The following CYP2A7 variants were observed in gnomAD, a reference collection of about 807,000 sequenced individuals.
CYP2A7 encodes the protein cytochrome P450 family 2 subfamily A member 7.
In CYP2A7, 36 loss-of-function variants were observed where a neutral mutation model predicts 42.0. The ratio of observed to expected loss-of-function variants is 0.86; its 90% CI spans 0.66 to 1.13. The LOEUF (loss-of-function observed/expected upper bound fraction) is 1.13. Among genes scored for constraint, CYP2A7 ranks in the 50% most tolerant of loss-of-function variants. The pLI is 0.00. For missense variants in CYP2A7, 661 were observed against 634.1 expected (o/e 1.04, Z -0.46); for synonymous variants, 260 against 249.5 (o/e 1.04, Z -0.40).
rs183421221 is a variant in CYP2A7 at position 40,879,051 on chromosome 19, A to C, written c.655-115T>G. ...GAACTGAGTTAAAGGCATCTGTCTC[A>C]TTGTTTAGGTATTTCAGTGGGGTCG... is the stretch of plus-strand genomic sequence containing the variant. On this transcript the variant is annotated intron_variant, in intron 4 of 8. Transcript: ENST00000301146. 103 of 1,449,938 alleles carry C rather than the reference A, an allele frequency of 7.1e-5. 1 individual carries two copies. The African/African-American group carries it at 1.3e-3, about 18-fold the overall frequency. 89.8% of individuals were successfully genotyped at this position (1,449,938 alleles called of 1,614,324 possible).
In CYP2A7 at chr19:40,878,741, A is replaced by C. The variant is rs1967592243; in HGVS notation, c.831+19T>G. On this transcript the variant is annotated intron_variant, in intron 5 of 8. Transcript: ENST00000301146. Reference sequence around the variant, plus strand: ...TCTGCCTGGCTTTGCACCTCCCCGCACTGGCTGCTGGGGTGTACCTCCTGC... The same window carrying C: ...TCTGCCTGGCTTTGCACCTCCCCGCCCTGGCTGCTGGGGTGTACCTCCTGC... 2.5e-6 allele frequency: 4 copies of C among 1,610,406 alleles called. No homozygotes were observed. The highest frequency in any genetic ancestry group is 1.3e-5 in the African/African-American group (1 of 74,864).
In CYP2A7 at chr19:40,882,126, T is replaced by A. The variant is rs201805821; in HGVS notation, c.85A>T (p.Ser29Cys). 1 of 1,613,992 alleles carries A rather than the reference T, an allele frequency of 6.2e-7. No individual in the cohort carries two copies. Residue 29 changes from serine (S) to cysteine (C), a missense_variant, in exon 1 of 9, where the codon AGC (serine) becomes TGC (cysteine). Ser to Cys is a moderately radical substitution (Grantham distance 112). This residue lies in a region of CYP2A7 where 614 missense variants were observed against 552.4 expected (regional missense o/e 1.11). Transcript: ENST00000301146. ...VLMSVWQQRKSRGKLPPGPTP... is the reference protein window; with the variant it reads ...VLMSVWQQRKCRGKLPPGPTP... ...GGTCCCGGAGGCAGCTTCCCCCTGCTCTTCCTCTGCTGCCAGACAGACATC... is the reference window on the plus strand; with the variant it reads ...GGTCCCGGAGGCAGCTTCCCCCTGCACTTCCTCTGCTGCCAGACAGACATC...
At chr19:40,881,824 A>C in intron 1 of CYP2A7, 73 bp from the exon 2 acceptor site, 1 of 1,582,878 alleles carries the variant, frequency 6.3e-7, no homozygotes, top group South Asian at 1.1e-5. Context: ...CGAGATGTCA[A>C]GTACTGGGAT....
At position 40,881,691 on chromosome 19, in the gene CYP2A7, G is replaced by A. The variant is rs756807315; in HGVS notation, c.241C>T (p.Leu81=). 1.9e-6 allele frequency: 3 copies of A among 1,612,980 alleles called. No individual in the cohort carries two copies. Among genetic ancestry groups the A allele is most frequent in the Admixed American group, 3.3e-5 (2 of 59,960 alleles). The change falls in exon 2 of 9, where the codon CTG becomes TTG. Residue 81 remains leucine (L), a synonymous_variant. Coordinates refer to ENST00000301146, the MANE Select transcript of CYP2A7 (RefSeq NM_000764.3). Reference sequence around the variant, plus strand: ...TCCCTGACGGCATCATGTCCACACAGCACCACGACCCGCCGGGGCCCCAAG... The same window carrying A: ...TCCCTGACGGCATCATGTCCACACAACACCACGACCCGCCGGGGCCCCAAG... ...IHLGPRRVVV[L]CGHDAVREAL... is the part of the protein sequence containing the mutation.
At chr19:40,877,487 G>A (rs1474474502) in intron 6 of CYP2A7, 110 bp from the exon 7 acceptor site, 43 of 1,482,016 alleles carry the variant, frequency 2.9e-5, no homozygotes, top group East Asian at 9.2e-5. Flanking sequence ...ATGAGACGGA[G>A]GTAGAGCATT....
In CYP2A7 at chr19:40,882,080, C is replaced by T. The variant is rs1055883561; in HGVS notation, c.131G>A (p.Gly44Glu). 11 of 1,613,858 alleles carry T rather than the reference C, an allele frequency of 6.8e-6. No homozygotes were observed. Among genetic ancestry groups the T allele is most frequent in the Non-Finnish European group, 9.3e-6 (11 of 1,179,908 alleles). Residue 44 changes from glycine (G) to glutamate (E), a missense_variant, in exon 1 of 9, where the codon GGA becomes GAA. Coordinates refer to ENST00000301146, the MANE Select transcript of CYP2A7 (RefSeq NM_000764.3). ...PPGPTPLPFI[G>E]NYLQLNTEHI... ...CTCTGTGTTCAGCTGGAGGTAGTTT[C>T]CAATGAAGGGCAGTGGGGTGGGTCC...
rs541956181 is a variant in CYP2A7, at chr19:40,878,039, C to T, written c.832-46G>A. 48 of 1,577,284 alleles carry T rather than the reference C, an allele frequency of 3.0e-5. 1 individual carries two copies. In the South Asian group the frequency reaches 5.0e-4, roughly 16 times the overall value. The stretch of plus-strand genomic sequence containing the variant: ...AGGCCAACCTCACTCCTCTTGCCCT[C>T]AGGGCCCTTCTAGGGCTTTTCCTTT... On this transcript the variant is annotated intron_variant, in intron 5 of 8. Coordinates refer to ENST00000301146, the MANE Select transcript of CYP2A7 (RefSeq NM_000764.3).
Position 40,880,570 on chromosome 19 carries a change from G to T in CYP2A7, c.402C>A (p.Thr134=). 1.9e-6 allele frequency: 3 copies of T among 1,608,102 alleles called. No individual in the cohort carries two copies. The highest frequency in any genetic ancestry group is 1.7e-4 in the Middle Eastern group (1 of 6,052). Residue 134 remains threonine (T), a synonymous_variant, in exon 3 of 9, where the codon ACC becomes ACA. Coordinates refer to ENST00000301146, the MANE Select transcript of CYP2A7 (RefSeq NM_000764.3). Reference sequence around the variant, plus strand: ...GCTTGCCCACCCCGAAGTCCCTCAGGGTGGCGATGGCAAAGCGCAGGAGCT... The same window carrying T: ...GCTTGCCCACCCCGAAGTCCCTCAGTGTGGCGATGGCAAAGCGCAGGAGCT... ...AKQLLRFAIA[T]LRDFGVGKRG... is the part of the protein sequence containing the mutation.
In CYP2A7 at chr19:40,880,328, T is replaced by C. The variant is rs535518108; in HGVS notation, c.494-84A>G. On this transcript the variant is annotated intron_variant, in intron 3 of 8. Transcript: ENST00000301146. ...AATCAGAATTCCAGGAGGCAGGGCC[T>C]TGTTGAGCCAAATTCCCAGCGCCAG... 1,314 of 1,549,928 alleles carry C rather than the reference T, an allele frequency of 8.5e-4. 26 individuals carry two copies. The highest frequency in any genetic ancestry group is 7.7e-3 in the Middle Eastern group (42 of 5,472).
In CYP2A7 at chr19:40,877,266, A is replaced by T. The variant is rs150178247; in HGVS notation, c.1085T>A (p.Phe362Tyr). ...CAAACTCATGGGGATCACGTCTCCA[A>T]ATCTTTGGATCTCGTGGATCACTGC... ...MEAVIHEIQR[F>Y]GDVIPMSLAR... is the part of the protein sequence containing the mutation. The change falls in exon 7 of 9, where the codon TTT (phenylalanine) becomes TAT (tyrosine). Residue 362 changes from phenylalanine (F) to tyrosine (Y), a missense_variant. Transcript: ENST00000301146. 5.0e-6 allele frequency: 8 copies of T among 1,612,548 alleles called. No individual in the cohort carries two copies. Among genetic ancestry groups the T allele is most frequent in the East Asian group, 4.5e-5 (2 of 44,868 alleles).
Position 40,882,112 on chromosome 19 carries a change from C to A in CYP2A7, c.99G>T (p.Leu33=), listed in dbSNP as rs1048166267. Reference sequence around the variant, plus strand: ...AGGGCAGTGGGGTGGGTCCCGGAGGCAGCTTCCCCCTGCTCTTCCTCTGCT... The same window carrying A: ...AGGGCAGTGGGGTGGGTCCCGGAGGAAGCTTCCCCCTGCTCTTCCTCTGCT... The part of the protein sequence containing the change: ...VWQQRKSRGK[L]PPGPTPLPFI... Residue 33 remains leucine (L), a synonymous_variant, in exon 1 of 9, where the codon CTG becomes CTT. Transcript: ENST00000301146. The A allele has an allele frequency of 2.5e-6, 4 of 1,613,948 alleles. No individual in the cohort carries two copies. The highest frequency in any genetic ancestry group is 1.1e-5 in the South Asian group (1 of 91,068).
Position 40,880,798 on chromosome 19 carries a change from G to GAGAGAGA in CYP2A7, c.344-171_344-170insTCTCTCT. Among the ~76,000 whole-genome samples, 2 of 27,444 alleles carry GAGAGAGA rather than the reference G, an allele frequency of 7.3e-5. 1 individual carries two copies. Among genetic ancestry groups the GAGAGAGA allele is most frequent in the African/African-American group, 3.2e-4 (2 of 6,254 alleles). 18.0% of individuals were successfully genotyped at this position (27,444 alleles called of 152,430 possible). On this transcript the variant is annotated intron_variant, in intron 2 of 8. Transcript: ENST00000301146. ...GCAAACTCAGTCAGAGAAACACGAG[G>GAGAGAGA]GAGAGAGAGAGAGAGAGAGAGAGAG...
At chr19:40,880,021 C>T (rs1439125427) in intron 4 of CYP2A7, 63 bp downstream of exon 4, 16 of 1,593,990 alleles carry the variant, frequency 1.0e-5, no homozygotes, top group Non-Finnish European at 1.3e-5. Context: ...CACCTGTCTC[C>T]AGGTAGGGGA....
In CYP2A7 at chr19:40,875,582, T is replaced by C; in HGVS notation, c.*111A>G. On this transcript the variant is annotated 3_prime_UTR_variant, in exon 9 of 9. Coordinates refer to ENST00000301146, the MANE Select transcript of CYP2A7 (RefSeq NM_000764.3). ...TCTTCCCTCTAGCCACCACGCCCCT[T>C]CCTTTCCCGCATCTTCCCCCCATTC... 1 of 1,556,604 alleles carries C rather than the reference T, an allele frequency of 6.4e-7. No individual in the cohort carries two copies. Among genetic ancestry groups the C allele is most frequent in the Non-Finnish European group, 8.7e-7 (1 of 1,143,538 alleles).
rs754397786 is a variant in CYP2A7, at chr19:40,875,716, T to C, written c.1462A>G (p.Thr488Ala). 1.2e-6 allele frequency: 2 copies of C among 1,608,592 alleles called. No homozygotes were observed. The highest frequency in any genetic ancestry group is 1.1e-5 in the South Asian group (1 of 90,670). Residue 488 changes from threonine to alanine, a missense_variant, in exon 9 of 9, where the codon ACC becomes GCC. Thr to Ala is a moderately conservative substitution (Grantham distance 58). Transcript: ENST00000301146. The part of the protein sequence containing the change: ...VVFATIPRNY[T>A]MSFLPR ...GCTCAGCGGGGCAGGAAGCTCATGGTGTAGTTTCGTGGGATCGTGGCAAAG... is the reference window on the plus strand; with the variant it reads ...GCTCAGCGGGGCAGGAAGCTCATGGCGTAGTTTCGTGGGATCGTGGCAAAG...
At position 40,877,173 on chromosome 19, in the gene CYP2A7, G is replaced by A. The variant is rs762109771; in HGVS notation, c.1161+17C>T. On this transcript the variant is annotated intron_variant, in intron 7 of 8. Transcript: ENST00000301146. Reference sequence around the variant, plus strand: ...GGCTGGAAGTCCCCGTAGTCTAGGGGGTGGGGAGGATAGCACCTTAGGGAG... The same window carrying A: ...GGCTGGAAGTCCCCGTAGTCTAGGGAGTGGGGAGGATAGCACCTTAGGGAG... 5.6e-6 allele frequency: 9 copies of A among 1,611,396 alleles called. No homozygotes were observed. The highest frequency in any genetic ancestry group is 7.6e-6 in the Non-Finnish European group (9 of 1,178,020).
At position 40,881,766 on chromosome 19, in the gene CYP2A7, T is replaced by A. The variant is rs751239298; in HGVS notation, c.181-15A>T. 10 of 1,595,400 alleles carry A rather than the reference T, an allele frequency of 6.3e-6. No individual in the cohort carries two copies. In the South Asian group the frequency reaches 1.0e-4, roughly 16 times the overall value. ...CACTCACTGAACTGATGGAGGCGAGTGGGAGTGGTTAGAGGGAGCAGCCCC... is the reference window on the plus strand; with the variant it reads ...CACTCACTGAACTGATGGAGGCGAGAGGGAGTGGTTAGAGGGAGCAGCCCC... On this transcript the variant is annotated splice_polypyrimidine_tract_variant and intron_variant, in intron 1 of 8. Transcript: ENST00000301146.
rs368314462 is a variant in CYP2A7 at position 40,878,009 on chromosome 19, G to C, written c.832-16C>G. 6.2e-7 allele frequency: 1 copy of C among 1,606,850 alleles called. No individual in the cohort carries two copies. Among genetic ancestry groups the C allele is most frequent in the Non-Finnish European group, 8.5e-7 (1 of 1,176,640 alleles). On this transcript the variant is annotated splice_polypyrimidine_tract_variant and intron_variant, in intron 5 of 8. Transcript: ENST00000301146. Reference sequence around the variant, plus strand: ...TCTTCTCCTCCTGCAGGGAGAGGGGGCTTTAGGCCAACCTCACTCCTCTTG... The same window carrying C: ...TCTTCTCCTCCTGCAGGGAGAGGGGCCTTTAGGCCAACCTCACTCCTCTTG...
At chr19:40,876,353 G>A in intron 8 of CYP2A7, 174 bp downstream of exon 8, 1 of 1,043,286 alleles carries the variant, frequency 9.6e-7, no homozygotes, top group Non-Finnish European at 1.4e-6. Context: ...TTACCTGGGT[G>A]CAGGTACTGG....
Sources: gnomAD v4.1 joint callset for allele counts (sites outside exome capture counted in the v4.1 genomes callset) on GRCh38, gnomAD v4.1.1 for gene constraint, gnomAD v4.1.1 regional missense constraint, MANE v1.5 for transcripts, NCBI Gene and HGNC (gene_info 2026-07-23, HGNC 2026-07-21) for gene names.